Variants in MAGI1 observed in about 807,000 individuals in gnomAD.
The protein encoded by MAGI1 is membrane associated guanylate kinase, WW and PDZ domain containing 1.
MAGI1 carries 58 observed loss-of-function variants against 139.9 expected under a neutral mutation model. The observed-to-expected ratio is 0.41, with a 90% confidence interval of 0.34 to 0.52. MAGI1 has a LOEUF of 0.52. MAGI1 is among the 20% of genes least tolerant of loss of function. The pLI, the probability that MAGI1 is intolerant of heterozygous loss-of-function variation, is 0.12. For synonymous variants in MAGI1, 812 were observed against 737.9 expected, an observed-to-expected ratio of 1.10 and a Z score of -1.63; for missense variants, 1,874 against 1,901.6, an observed-to-expected ratio of 0.99 and a Z score of 0.27.
In MAGI1 at chr3:65,677,371, G is replaced by T. The variant is rs150149415; in HGVS notation, c.314-55283C>A. 7.8e-3 allele frequency among the ~76,000 whole-genome samples: 1,186 copies of T among 152,232 alleles called. 22 individuals are homozygous for T. The highest frequency in any genetic ancestry group is 0.027 in the African/African-American group (1,141 of 41,544). ...CTAAGAGGCTTCTGCAGTCACTAAG[G>T]CACAAACGCCAAAGGCTGGGTTGAG... On this transcript the variant is annotated intron_variant, in intron 1 of 22. Transcript: ENST00000402939.
chr3:65,770,417 G>A (rs1257647822), intron 1 of MAGI1, among the ~76,000 whole-genome samples: 1 of 152,136 alleles, frequency 6.6e-6, no homozygotes, highest in Non-Finnish European at 1.5e-5. Flanking sequence ...CCTGCCACGT[G>A]CAGGAAGAAA....
intron 2 of MAGI1, among the ~76,000 whole-genome samples, chr3:65,502,982 G>C (rs1200882466): frequency 6.6e-6 from 1 of 152,086 alleles, no homozygotes; most frequent in Non-Finnish European, 1.5e-5. Context: ...TCCCAGATGA[G>C]ACAGCTATGT....
chr3:65,787,440 T>A (rs1172078230), intron 1 of MAGI1, among the ~76,000 whole-genome samples: 2 of 151,784 alleles, frequency 1.3e-5, no homozygotes, highest in African/African-American at 4.8e-5. Flanking sequence ...TTTAGTCGGT[T>A]CTAGGCAGCC....
intron 2 of MAGI1, among the ~76,000 whole-genome samples, chr3:65,582,733 C>T (rs1576387616): frequency 6.6e-6 from 1 of 152,158 alleles, no homozygotes; most frequent in East Asian, 1.9e-4. Context: ...ATGGAAGTCA[C>T]CTCAGCAGTC....
chr3:65,489,213 C>A (rs754571676), intron 3 of MAGI1, among the ~76,000 whole-genome samples: 3 of 152,098 alleles, frequency 2.0e-5, no homozygotes, highest in Admixed American at 6.5e-5. Context: ...CTTTGAAGAG[C>A]ACCTACTATG....
chr3:65,798,414 A>C (rs1230281850), intron 1 of MAGI1, among the ~76,000 whole-genome samples: 1 of 152,166 alleles, frequency 6.6e-6, no homozygotes, highest in African/African-American at 2.4e-5. Context: ...ATAAGTCATC[A>C]GGACCCATGG....
At chr3:65,863,283 A>C (rs1470973025) in intron 1 of MAGI1, among the ~76,000 whole-genome samples, 2 of 152,196 alleles carry the variant, frequency 1.3e-5, no homozygotes, top group Non-Finnish European at 2.9e-5. Flanking sequence ...CTTTACTACA[A>C]GACTATTACT....
chr3:65,506,812 A>G (rs1263956516), intron 2 of MAGI1, among the ~76,000 whole-genome samples: 2 of 152,234 alleles, frequency 1.3e-5, no homozygotes, highest in Non-Finnish European at 2.9e-5. Context: ...ATAACTAGAT[A>G]TAAAACGAGA....
At chr3:65,785,026 AATTAG>A (rs1272073338) in intron 1 of MAGI1, among the ~76,000 whole-genome samples, 4 of 46,910 alleles carry the variant, frequency 8.5e-5, no homozygotes, top group South Asian at 1.4e-3. Context: ...AATGTTCTAA[AATTAG>A]ATTATACTGA....
At position 65,429,910 on chromosome 3, in the gene MAGI1, C is replaced by T. The variant is rs760178542; in HGVS notation, c.1777G>A (p.Ala593Thr). 1 of 1,613,922 alleles carries T rather than the reference C, an allele frequency of 6.2e-7. No individual in the cohort carries two copies. The highest frequency in any genetic ancestry group is 8.5e-7 in the Non-Finnish European group (1 of 1,179,976). ...TTGCCTGTTTTACTACTGTGGCTAG[C>T]TGGTGAATCATAGGTCTCTTGCCCA... is the stretch of plus-strand genomic sequence containing the variant. The part of the protein sequence containing the change: ...VNGQETYDSP[A>T]SHSSKTGKVN... Residue 593 changes from alanine (A) to threonine (T), a missense_variant, in exon 12 of 23, where the codon GCT becomes ACT. By Grantham distance (58) the Ala-to-Thr change is moderately conservative. Transcript: ENST00000402939.
chr3:65,767,979 G>A (rs2037626831), intron 1 of MAGI1, among the ~76,000 whole-genome samples: 2 of 152,136 alleles, frequency 1.3e-5, no homozygotes, highest in African/African-American at 4.8e-5. Flanking sequence ...CTAAATCTTT[G>A]GATGTCATGC....
intron 2 of MAGI1, among the ~76,000 whole-genome samples, chr3:65,609,486 T>A (rs2082926517): frequency 6.6e-6 from 1 of 151,968 alleles, no homozygotes. Flanking sequence ...ACCATGTTGG[T>A]CAGGCTTGTC....
chr3:65,425,727 T>C (rs781036344), intron 12 of MAGI1, among the ~76,000 whole-genome samples: 17 of 152,216 alleles, frequency 1.1e-4, no homozygotes, highest in Admixed American at 3.9e-4. Flanking sequence ...AAACGGAGTG[T>C]TGTGACTCAA....
At chr3:65,822,640 T>A (rs2042009870) in intron 1 of MAGI1, among the ~76,000 whole-genome samples, 1 of 152,226 alleles carries the variant, frequency 6.6e-6, no homozygotes, top group Non-Finnish European at 1.5e-5. Flanking sequence ...ACAGGAAGCA[T>A]GATGCTGGCA....
At chr3:65,608,511 T>C (rs1473511079) in intron 2 of MAGI1, among the ~76,000 whole-genome samples, 2 of 152,014 alleles carry the variant, frequency 1.3e-5, no homozygotes, top group Non-Finnish European at 2.9e-5. Flanking sequence ...GATATCCAAA[T>C]AGACAATGAG....
At chr3:65,813,386 G>A (rs1428955559) in intron 1 of MAGI1, among the ~76,000 whole-genome samples, 4 of 151,944 alleles carry the variant, frequency 2.6e-5, no homozygotes, top group East Asian at 3.9e-4. Context: ...GCAATTTGGG[G>A]GAAAAGGAAG....
intron 1 of MAGI1, among the ~76,000 whole-genome samples, chr3:65,674,101 G>A (rs368934227): frequency 3.3e-5 from 5 of 152,144 alleles, no homozygotes; most frequent in Admixed American, 2.0e-4. Flanking sequence ...AAGCTTATAC[G>A]ACAGCTCAAT....
intron 1 of MAGI1, among the ~76,000 whole-genome samples, chr3:65,724,523 T>G (rs939057113): frequency 2.6e-5 from 4 of 152,200 alleles, no homozygotes; most frequent in Non-Finnish European, 2.9e-5. Context: ...AGAGGGCTTT[T>G]CCCGTTTTGT....
intron 5 of MAGI1, among the ~76,000 whole-genome samples, chr3:65,459,491 G>T (rs772401217): frequency 3.3e-5 from 5 of 151,978 alleles, no homozygotes; most frequent in African/African-American, 9.7e-5. Flanking sequence ...TGCTGAACTC[G>T]CTTATTATAA....
Sources: gnomAD v4.1 joint callset for allele counts (sites outside exome capture counted in the v4.1 genomes callset) on GRCh38, gnomAD v4.1.1 for gene constraint, MANE v1.5 for transcripts, NCBI Gene and HGNC (gene_info 2026-07-23, HGNC 2026-07-21) for gene names.